Variants in TSPAN11 observed in about 807,000 individuals in gnomAD.
TSPAN11 encodes the protein tetraspanin-11.
TSPAN11 carries 29 observed loss-of-function variants against 32.9 expected under a neutral mutation model. That is an observed-to-expected ratio of 0.88 (90% CI 0.66 to 1.20). The LOEUF (loss-of-function observed/expected upper bound fraction) is 1.20. Ranked by LOEUF, TSPAN11 falls within the 50% of genes most tolerant of loss-of-function variation. TSPAN11 has a pLI of 0.00. For synonymous variants in TSPAN11, 140 were observed against 141.3 expected (o/e 0.99, Z 0.07); for missense variants, 283 against 329.1 (o/e 0.86, Z 1.08).
intron 5 of TSPAN11, among the ~76,000 whole-genome samples, chr12:30,981,910 G>A (rs1474243905): frequency 1.3e-5 from 2 of 152,212 alleles, no homozygotes; most frequent in African/African-American, 4.8e-5. Flanking sequence ...AACTGGGAAA[G>A]GCAAGAAGCA....
intron 2 of TSPAN11, among the ~76,000 whole-genome samples, chr12:30,960,262 C>T (rs1938586120): frequency 6.6e-6 from 1 of 151,790 alleles, no homozygotes; most frequent in Non-Finnish European, 1.5e-5. Context: ...TGGGGCTTGG[C>T]ATGTAGCAGG....
At chr12:30,942,580 A>G (rs1938188084) in intron 1 of TSPAN11, among the ~76,000 whole-genome samples, 1 of 152,246 alleles carries the variant, frequency 6.6e-6, no homozygotes, top group Non-Finnish European at 1.5e-5. Flanking sequence ...ACCAAAAAAG[A>G]AAAAGAAACA....
At chr12:30,985,379 C>T (rs1939180515) in intron 7 of TSPAN11, among the ~76,000 whole-genome samples, 2 of 151,952 alleles carry the variant, frequency 1.3e-5, no homozygotes, top group Admixed American at 1.3e-4. Flanking sequence ...TGCATTAGTA[C>T]GTTGTCTCTC....
rs184240902 is a variant in TSPAN11, at chr12:30,957,613, G to A, written c.84+3538G>A. On this transcript the variant is annotated intron_variant, in intron 2 of 7. Coordinates refer to ENST00000546076, the MANE Select transcript of TSPAN11 (RefSeq NM_001370302.1). ...GGTTTCTCCATCCAGAATATAAAAG[G>A]GGTTGAAATCAATCAATCCCTCCCT... Among the ~76,000 whole-genome samples the A allele has an allele frequency of 5.0e-3, 764 of 151,532 alleles. 8 individuals are homozygous for A. The highest frequency in any genetic ancestry group is 0.018 in the African/African-American group (727 of 41,176).
At chr12:30,948,280 C>A (rs1198849166) in intron 1 of TSPAN11, among the ~76,000 whole-genome samples, 2 of 152,200 alleles carry the variant, frequency 1.3e-5, no homozygotes, top group Non-Finnish European at 2.9e-5. Context: ...AGGACAGTGG[C>A]CCCCTTCTCA....
At chr12:31,010,653 G>C in the TSPAN11 span, among the ~76,000 whole-genome samples, 2 of 152,204 alleles carry the variant, frequency 1.3e-5, no homozygotes, top group Admixed American at 1.3e-4. Flanking sequence ...TTAATTTACT[G>C]GGTGTGGTGA....
intron 3 of TSPAN11, among the ~76,000 whole-genome samples, chr12:30,966,561 G>A (rs1460891171): frequency 6.6e-6 from 1 of 152,272 alleles, no homozygotes; most frequent in African/African-American, 2.4e-5. Flanking sequence ...GAGATGTGGA[G>A]CAAGTAATGG....
chr12:30,981,627 G>A (rs1171738763), intron 5 of TSPAN11, among the ~76,000 whole-genome samples: 2 of 152,078 alleles, frequency 1.3e-5, no homozygotes, highest in Non-Finnish European at 2.9e-5. Flanking sequence ...ATTGTTCCTG[G>A]CCCTGGACAG....
intron 3 of TSPAN11, among the ~76,000 whole-genome samples, chr12:30,967,087 C>T (rs1477750480): frequency 6.6e-6 from 1 of 152,200 alleles, no homozygotes; most frequent in Non-Finnish European, 1.5e-5. Context: ...CCTTGGCCAT[C>T]TCAAAGGCCA....
Position 30,992,222 on chromosome 12 carries a change from G to A in TSPAN11, c.*307G>A, listed in dbSNP as rs1256959312. ...GGGCACCCGTGGACTACGGGAGGGT[G>A]GCGGTTGGGTTCTCTGCTCCCTCCC... is the stretch of plus-strand genomic sequence containing the variant. On this transcript the variant is annotated 3_prime_UTR_variant, in exon 8 of 8. Coordinates refer to ENST00000546076, the MANE Select transcript of TSPAN11 (RefSeq NM_001370302.1). 11 of 454,538 alleles carry A rather than the reference G, an allele frequency of 2.4e-5. No individual in the cohort carries two copies. The highest frequency in any genetic ancestry group is 3.3e-5 in the Admixed American group (1 of 30,232). 28.2% of individuals were successfully genotyped at this position (454,538 alleles called of 1,614,324 possible).
intron 1 of TSPAN11, among the ~76,000 whole-genome samples, chr12:30,953,366 A>C (rs1289756570): frequency 1.3e-5 from 2 of 152,194 alleles, no homozygotes; most frequent in African/African-American, 2.4e-5. Flanking sequence ...ATCTTGTGAC[A>C]GATCAGGGTG....
rs868383773 is a variant in TSPAN11 at position 30,994,190 on chromosome 12, T to C, written c.*2275T>C. 2.0e-5 allele frequency: 3 copies of C among 152,204 alleles called. No homozygotes were observed. Among genetic ancestry groups the C allele is most frequent in the Non-Finnish European group, 2.9e-5 (2 of 68,086 alleles). 9.4% of individuals were successfully genotyped at this position (152,204 alleles called of 1,614,324 possible). On this transcript the variant is annotated 3_prime_UTR_variant, in exon 8 of 8. Transcript: ENST00000546076. ...AAACAGAGGCCCAGGATACGGCAGG[T>C]TCTGCCTGGGAGTGTACAATGGTTG...
At chr12:30,978,832 A>T in intron 4 of TSPAN11, 197 bp downstream of exon 4, 1 of 578,146 alleles carries the variant, frequency 1.7e-6, no homozygotes, top group Non-Finnish European at 3.1e-6. Flanking sequence ...GCATCTGTGG[A>T]TGCTGATGTC....
In TSPAN11 at chr12:30,979,670, T is replaced by G. The variant is rs1939049437; in HGVS notation, c.456T>G (p.Asp152Glu). 5 of 1,614,070 alleles carry G rather than the reference T, an allele frequency of 3.1e-6. No individual in the cohort carries two copies. Among genetic ancestry groups the G allele is most frequent in the Non-Finnish European group, 3.4e-6 (4 of 1,179,980 alleles). ...ITASVDRLQQ[D>E]FKCCGSNSSA... is the part of the protein sequence containing the mutation. ...CCTCAGTGGACCGACTCCAGCAGGA[T>G]GTAAGCCATGCCCCATATGGCCTTG... The change falls in exon 5 of 8, where the codon GAT (aspartate) becomes GAG (glutamate). Residue 152 changes from aspartate to glutamate, a missense_variant and splice_region_variant. Physicochemically the swap from Asp to Glu is conservative, Grantham distance 45. Coordinates refer to ENST00000546076, the MANE Select transcript of TSPAN11 (RefSeq NM_001370302.1).
intron 1 of TSPAN11, among the ~76,000 whole-genome samples, chr12:30,949,750 T>C (rs560372625): frequency 6.6e-6 from 1 of 152,048 alleles, no homozygotes; most frequent in African/African-American, 2.4e-5. Context: ...CACCTCCAGG[T>C]CTCATTTCCT....
At chr12:30,965,677 C>T (rs1938716131) in intron 3 of TSPAN11, among the ~76,000 whole-genome samples, 1 of 152,232 alleles carries the variant, frequency 6.6e-6, no homozygotes, top group Non-Finnish European at 1.5e-5. Context: ...AAGCGCTGCA[C>T]TTGACATTCA....
At chr12:30,952,198 TGCCTGGGAGGGGAG>T (rs1938395699) in intron 1 of TSPAN11, among the ~76,000 whole-genome samples, 1 of 152,302 alleles carries the variant, frequency 6.6e-6, no homozygotes, top group African/African-American at 2.4e-5. Flanking sequence ...CCAGTGGCCC[TGCCTGGGAGGGGAG>T]GGAGACTGCA....
At chr12:30,984,136 C>T (rs1287950219) in intron 7 of TSPAN11, among the ~76,000 whole-genome samples, 3 of 152,196 alleles carry the variant, frequency 2.0e-5, no homozygotes, top group African/African-American at 7.2e-5. Flanking sequence ...TGCTTCCGCT[C>T]AGCAGGAGCT....
At chr12:30,977,085 G>T (rs1938989155) in intron 3 of TSPAN11, among the ~76,000 whole-genome samples, 1 of 152,162 alleles carries the variant, frequency 6.6e-6, no homozygotes, top group Admixed American at 6.5e-5. Flanking sequence ...TGAGGAGGTG[G>T]GTAATGCACT....
Sources: allele counts gnomAD v4.1 joint callset (sites outside exome capture counted in the v4.1 genomes callset), GRCh38; gene constraint gnomAD v4.1.1; transcripts MANE v1.5; gene names NCBI Gene and HGNC (gene_info 2026-07-23, HGNC 2026-07-21).